Variants in RAB5A observed in about 807,000 individuals in gnomAD.
The protein encoded by RAB5A is RAB5A, member RAS oncogene family, also known as ras-related protein Rab-5A.
A neutral mutation model predicts 25.7 loss-of-function variants in RAB5A; 8 were observed. The ratio of observed to expected loss-of-function variants is 0.31; its 90% CI spans 0.18 to 0.56. The LOEUF (loss-of-function observed/expected upper bound fraction) is 0.56. Ranked by LOEUF, RAB5A falls within the 20% of genes least tolerant of loss-of-function variation. The probability of loss-of-function intolerance (pLI) is 0.91; values close to 1 mark genes in which losing one functional copy is unlikely to be tolerated. For missense variants in RAB5A, 192 were observed against 259.7 expected (o/e 0.74, Z 1.79); for synonymous variants, 98 against 89.8 (o/e 1.09, Z -0.52).
intron 1 of RAB5A, among the ~76,000 whole-genome samples, chr3:19,948,560 C>T (rs1696369220): frequency 6.6e-6 from 1 of 152,106 alleles, no homozygotes; most frequent in African/African-American, 2.4e-5. Flanking sequence ...TCTTGTTTTG[C>T]AAAACAGAAG....
intron 5 of RAB5A, chr3:19,978,724 C>T (rs79216845): frequency 0.023 from 4,111 of 180,942 alleles, 161 homozygotes; most frequent in African/African-American, 0.09. Context: ...GCAAAGGTTT[C>T]GCTGGGAAAT....
chr3:19,964,557 CA>C (rs1696634396), intron 2 of RAB5A, among the ~76,000 whole-genome samples: 1 of 152,228 alleles, frequency 6.6e-6, no homozygotes, highest in Non-Finnish European at 1.5e-5. Flanking sequence ...CTGACTTTAT[CA>C]GTTTATTCTA....
intron 2 of RAB5A, among the ~76,000 whole-genome samples, chr3:19,962,219 A>G (rs951890531): frequency 4.6e-5 from 7 of 152,182 alleles, no homozygotes; most frequent in Non-Finnish European, 7.3e-5. Flanking sequence ...AAGAGTGTCA[A>G]CATCACACTG....
chr3:19,970,737 A>G (rs1454961298), intron 2 of RAB5A: 1 of 378,768 alleles, frequency 2.6e-6, no homozygotes, highest in East Asian at 7.3e-5. Flanking sequence ...TGGTTGGTTA[A>G]TGTTGCTACA....
chr3:19,965,289 G>T (rs77374438), intron 2 of RAB5A, among the ~76,000 whole-genome samples: 233 of 152,180 alleles, frequency 1.5e-3, no homozygotes, highest in African/African-American at 5.4e-3. Context: ...GGGTGTGGTT[G>T]TGTGTGCCTA....
chr3:19,959,407 C>G (rs143658377), intron 2 of RAB5A, among the ~76,000 whole-genome samples: 1 of 151,388 alleles, frequency 6.6e-6, no homozygotes, highest in South Asian at 2.1e-4. Flanking sequence ...AAAAATTAAG[C>G]CTAAATCTCC....
chr3:19,969,960 T>C (rs1380085830), intron 2 of RAB5A, among the ~76,000 whole-genome samples: 1 of 151,738 alleles, frequency 6.6e-6, no homozygotes, highest in African/African-American at 2.4e-5. Context: ...CATGCCACCA[T>C]GCCCGGCTAA....
At chr3:19,967,665 G>C (rs1696680316) in intron 2 of RAB5A, among the ~76,000 whole-genome samples, 1 of 151,942 alleles carries the variant, frequency 6.6e-6, no homozygotes, top group African/African-American at 2.4e-5. Context: ...TTCTTGTTAG[G>C]CTTTTGGAAT....
intron 4 of RAB5A, among the ~76,000 whole-genome samples, chr3:19,977,434 C>T (rs1696842995): frequency 6.6e-6 from 1 of 152,138 alleles, no homozygotes; most frequent in Admixed American, 6.6e-5. Flanking sequence ...ACTAGAAGGG[C>T]GGTTGTGGCT....
chr3:19,978,165 T>G, intron 4 of RAB5A, 145 bp from the exon 5 acceptor site: 1 of 659,156 alleles, frequency 1.5e-6, no homozygotes, highest in Admixed American at 2.9e-5. Context: ...TGTTGTAGCT[T>G]ATTATATAGT....
chr3:19,983,399 T>C (rs1320678164), intron 5 of RAB5A, among the ~76,000 whole-genome samples: 1 of 151,896 alleles, frequency 6.6e-6, no homozygotes, highest in Non-Finnish European at 1.5e-5. Context: ...ATAGAACTTT[T>C]CTGGTATTAT....
intron 2 of RAB5A, among the ~76,000 whole-genome samples, chr3:19,966,117 G>C (rs1696658862): frequency 6.6e-6 from 1 of 152,106 alleles, no homozygotes; most frequent in Non-Finnish European, 1.5e-5. Context: ...GTGGTATTAG[G>C]TACTTTTAAC....
At chr3:19,961,617 C>T (rs11715597) in intron 2 of RAB5A, among the ~76,000 whole-genome samples, 23,209 of 152,126 alleles carry the variant, frequency 0.15, 1,994 homozygotes, top group Non-Finnish European at 0.2. Context: ...ATGTGTCACA[C>T]GCTATATTTT....
chr3:19,951,095 C>T (rs1416175761), intron 2 of RAB5A, 34 bp downstream of exon 2: 2 of 1,601,644 alleles, frequency 1.2e-6, no homozygotes, highest in Non-Finnish European at 1.7e-6. Flanking sequence ...TTCATTTAAT[C>T]GAATCATACA....
At chr3:19,949,545 C>T (rs1179408513) in intron 1 of RAB5A, among the ~76,000 whole-genome samples, 1 of 152,024 alleles carries the variant, frequency 6.6e-6, no homozygotes, top group Non-Finnish European at 1.5e-5. Flanking sequence ...TGAAATATAG[C>T]AGGGTTTTTA....
chr3:19,979,097 C>T (rs1696874071), intron 5 of RAB5A, among the ~76,000 whole-genome samples: 5 of 152,008 alleles, frequency 3.3e-5, no homozygotes, highest in Non-Finnish European at 7.4e-5. Context: ...CTGCTTCTGC[C>T]TCCTGAATTG....
At chr3:19,967,183 C>T (rs1217889906) in intron 2 of RAB5A, among the ~76,000 whole-genome samples, 3 of 151,294 alleles carry the variant, frequency 2.0e-5, no homozygotes, top group African/African-American at 4.9e-5. Flanking sequence ...TTCAGTCTGC[C>T]GCCCAGGCTG....
intron 4 of RAB5A, among the ~76,000 whole-genome samples, chr3:19,976,802 T>G (rs1443395715): frequency 6.6e-6 from 1 of 152,236 alleles, no homozygotes; most frequent in Non-Finnish European, 1.5e-5. Context: ...CTTCTACTCA[T>G]GTGCAAATAT....
At chr3:19,969,189 C>T (rs1290103432) in intron 2 of RAB5A, among the ~76,000 whole-genome samples, 3 of 151,800 alleles carry the variant, frequency 2.0e-5, no homozygotes, top group Non-Finnish European at 4.4e-5. Context: ...GGATTACAGG[C>T]GCCCACATCC....
Sources: gnomAD v4.1 joint callset for allele counts (sites outside exome capture counted in the v4.1 genomes callset) on GRCh38, gnomAD v4.1.1 for gene constraint, MANE v1.5 for transcripts, NCBI Gene and HGNC (gene_info 2026-07-23, HGNC 2026-07-21) for gene names.